The following AFTPH variants were observed in gnomAD, a reference collection of about 807,000 sequenced individuals.
AFTPH encodes aftiphilin, also known as aftiphilin protein.
In AFTPH, 7 loss-of-function variants were observed where a neutral mutation model predicts 72.5. The ratio of observed to expected loss-of-function variants is 0.10; its 90% CI spans 0.05 to 0.18. The LOEUF (loss-of-function observed/expected upper bound fraction) is 0.18, where lower values mean the gene tolerates loss of function less well. AFTPH is among the 10% of genes least tolerant of loss of function. The pLI is 1.00. For missense variants in AFTPH, 979 were observed against 1,060.5 expected, an observed-to-expected ratio of 0.92 and a Z score of 1.07; for synonymous variants, 337 against 370.1, an observed-to-expected ratio of 0.91 and a Z score of 1.03.
chr2:64,591,451 G>C (rs1328415101), intron 8 of AFTPH, among the ~76,000 whole-genome samples: 4 of 152,218 alleles, frequency 2.6e-5, no homozygotes, highest in African/African-American at 9.6e-5. Flanking sequence ...GTCTTTCCCT[G>C]GGCACACTTT....
chr2:64,536,196 G>A (rs1669874654), intron 1 of AFTPH, among the ~76,000 whole-genome samples: 1 of 152,132 alleles, frequency 6.6e-6, no homozygotes, highest in Non-Finnish European at 1.5e-5. Context: ...AGATCAGGAG[G>A]TCAGACATAT....
chr2:64,543,670 A>G (rs1670391925), intron 1 of AFTPH, among the ~76,000 whole-genome samples: 1 of 152,184 alleles, frequency 6.6e-6, no homozygotes, highest in African/African-American at 2.4e-5. Context: ...TTATCACAAG[A>G]CCATGTGACT....
chr2:64,546,699 T>C lies in AFTPH; in HGVS notation c.-32-4744T>C, dbSNP rs568205762. Among the ~76,000 whole-genome samples the C allele has an allele frequency of 8.5e-5, 13 of 152,224 alleles. No individual in the cohort carries two copies. In the South Asian group the frequency reaches 1.5e-3, roughly 17 times the overall value. ...CATCACTACCAAATAGTTTAGTGTGTATCTCCTACAACCAAGGACATTCTC... is the reference window on the plus strand; with the variant it reads ...CATCACTACCAAATAGTTTAGTGTGCATCTCCTACAACCAAGGACATTCTC... On this transcript the variant is annotated intron_variant, in intron 1 of 8. Transcript: ENST00000238856.
At chr2:64,569,322 T>C (rs1216639769) in intron 4 of AFTPH, 104 bp downstream of exon 4, 13 of 1,414,522 alleles carry the variant, frequency 9.2e-6, no homozygotes, top group Non-Finnish European at 1.1e-5. Context: ...CCTCAGAAAA[T>C]AAATATTTGG....
intron 5 of AFTPH, 92 bp downstream of exon 5, chr2:64,569,771 A>G: frequency 8.5e-7 from 1 of 1,178,300 alleles, no homozygotes; most frequent in East Asian, 2.4e-5. Context: ...ATGCTATATA[A>G]GAGACATTTA....
chr2:64,571,882 T>A (rs1263957876), intron 5 of AFTPH, among the ~76,000 whole-genome samples: 2 of 151,176 alleles, frequency 1.3e-5, no homozygotes, highest in Admixed American at 1.3e-4. Flanking sequence ...TTTTCCTCTT[T>A]ATTTCTATAG....
chr2:64,557,450 A>G (rs1280842166), intron 2 of AFTPH, among the ~76,000 whole-genome samples: 1 of 152,190 alleles, frequency 6.6e-6, no homozygotes, highest in Non-Finnish European at 1.5e-5. Flanking sequence ...AATTACTAAT[A>G]CCTTGGCTTG....
chr2:64,591,839 T>C (rs373872932), intron 8 of AFTPH, 49 bp from the exon 10 acceptor site: 2 of 1,600,382 alleles, frequency 1.2e-6, no homozygotes, highest in Non-Finnish European at 1.7e-6. Flanking sequence ...CCATTTTACC[T>C]ACAGCAAAGT....
At chr2:64,572,539 C>T (rs1419882307) in intron 5 of AFTPH, among the ~76,000 whole-genome samples, 2 of 152,192 alleles carry the variant, frequency 1.3e-5, no homozygotes, top group African/African-American at 4.8e-5. Flanking sequence ...TCTCCCCCCA[C>T]CCATCCCGAG....
chr2:64,530,444 G>C (rs1419563067), intron 1 of AFTPH, among the ~76,000 whole-genome samples: 1 of 152,104 alleles, frequency 6.6e-6, no homozygotes, highest in Non-Finnish European at 1.5e-5. Flanking sequence ...AAAAAATAAT[G>C]TGCTTATTAT....
chr2:64,549,781 G>GA (rs11315536), intron 1 of AFTPH, among the ~76,000 whole-genome samples: 12 of 148,874 alleles, frequency 8.1e-5, no homozygotes, highest in Non-Finnish European at 1.0e-4. Flanking sequence ...TGGCTGTTGA[G>GA]AAAAAAAAAA....
chr2:64,566,302 T>A (rs1672087573), intron 2 of AFTPH, among the ~76,000 whole-genome samples: 1 of 152,208 alleles, frequency 6.6e-6, no homozygotes, highest in Non-Finnish European at 1.5e-5. Context: ...ATAATTATGA[T>A]GTGAGAATAA....
chr2:64,540,830 A>C (rs989065284), intron 1 of AFTPH, among the ~76,000 whole-genome samples: 1 of 152,130 alleles, frequency 6.6e-6, no homozygotes, highest in African/African-American at 2.4e-5. Context: ...ATACTGAAAC[A>C]AGATATTTGC....
chr2:64,567,233 T>C (rs1355060532), intron 2 of AFTPH, among the ~76,000 whole-genome samples: 1 of 152,226 alleles, frequency 6.6e-6, no homozygotes, highest in Non-Finnish European at 1.5e-5. Context: ...TATTCAGACA[T>C]TGAGATTGCT....
intron 6 of AFTPH, among the ~76,000 whole-genome samples, chr2:64,578,316 C>T (rs7566530): frequency 0.2 from 30,325 of 151,740 alleles, 4,313 homozygotes; most frequent in African/African-American, 0.41. Flanking sequence ...TAGTGGTAAG[C>T]GATGTCCAAA....
At chr2:64,568,176 G>T (rs1672203620) in intron 3 of AFTPH, among the ~76,000 whole-genome samples, 1 of 151,902 alleles carries the variant, frequency 6.6e-6, no homozygotes, top group Non-Finnish European at 1.5e-5. Flanking sequence ...TGACTTCTTA[G>T]AATGAAAACT....
At chr2:64,542,294 G>GT (rs1479065774) in intron 1 of AFTPH, among the ~76,000 whole-genome samples, 13 of 152,286 alleles carry the variant, frequency 8.5e-5, no homozygotes, top group East Asian at 7.7e-4. Flanking sequence ...GATACTGTGT[G>GT]TGGATGTTGG....
chr2:64,561,400 G>A (rs1671736033), intron 2 of AFTPH, among the ~76,000 whole-genome samples: 1 of 152,182 alleles, frequency 6.6e-6, no homozygotes, highest in Admixed American at 6.5e-5. Flanking sequence ...ATTGGGGCTG[G>A]GTGTGGTGGC....
intron 7 of AFTPH, among the ~76,000 whole-genome samples, chr2:64,581,645 AT>A (rs1673211953): frequency 3.3e-5 from 5 of 150,920 alleles, no homozygotes; most frequent in Admixed American, 2.6e-4. Context: ...TTAGAGATAG[AT>A]AGAATATTTT....
Sources: gnomAD v4.1 joint callset for allele counts (sites outside exome capture counted in the v4.1 genomes callset) on GRCh38, gnomAD v4.1.1 for gene constraint, MANE v1.5 for transcripts, NCBI Gene and HGNC (gene_info 2026-07-23, HGNC 2026-07-21) for gene names.